The following BARD1 variants were observed in gnomAD, a reference collection of about 807,000 sequenced individuals.
BARD1 encodes the protein BRCA1 associated RING domain 1.
Under a neutral mutation model 77.0 loss-of-function variants are expected in BARD1, and 73 were observed. That is an observed-to-expected ratio of 0.95 (90% CI 0.79 to 1.15). The LOEUF (loss-of-function observed/expected upper bound fraction) is 1.15, where lower values mean the gene tolerates loss of function less well. Ranked by LOEUF, BARD1 falls within the 50% of genes most tolerant of loss-of-function variation. BARD1 has a pLI of 0.00. For synonymous variants in BARD1, 384 were observed against 338.0 expected (o/e 1.14, Z -1.49); for missense variants, 993 against 938.8 (o/e 1.06, Z -0.75).
chr2:214,776,059 C>G (rs1048109932), intron 4 of BARD1, among the ~76,000 whole-genome samples: 1 of 152,178 alleles, frequency 6.6e-6, no homozygotes, highest in African/African-American at 2.4e-5. Flanking sequence ...TCTAAGCATA[C>G]CATGCCTTGT....
At chr2:214,806,429 A>G (rs1696273910) in intron 1 of BARD1, among the ~76,000 whole-genome samples, 1 of 152,204 alleles carries the variant, frequency 6.6e-6, no homozygotes, top group Non-Finnish European at 1.5e-5. Context: ...CTTGCCGGCA[A>G]TGTCAGGAGG....
chr2:214,743,923 T>C (rs903559264), intron 9 of BARD1, among the ~76,000 whole-genome samples: 1 of 152,200 alleles, frequency 6.6e-6, no homozygotes, highest in African/African-American at 2.4e-5. Flanking sequence ...TTGTGTTACA[T>C]GGCCACCACT....
chr2:214,752,583 A>C, intron 6 of BARD1, 28 bp from the exon 7 acceptor site: 1 of 1,550,688 alleles, frequency 6.4e-7, no homozygotes, highest in Non-Finnish European at 8.9e-7. Context: ...GATGTGTTTA[A>C]GTAAGTCAAA....
chr2:214,798,885 G>A (rs567330948), intron 1 of BARD1, among the ~76,000 whole-genome samples: 27 of 152,002 alleles, frequency 1.8e-4, no homozygotes, highest in Non-Finnish European at 3.4e-4. Flanking sequence ...TTGGGAGGCC[G>A]AGGTGAGAGG....
At chr2:214,806,699 C>A (rs562861859) in intron 1 of BARD1, among the ~76,000 whole-genome samples, 1 of 151,920 alleles carries the variant, frequency 6.6e-6, no homozygotes. Flanking sequence ...CATGATGAAA[C>A]CCCGTCTCTA....
At chr2:214,751,077 TTCTGTGTGTG>T (rs1239687264) in intron 7 of BARD1, among the ~76,000 whole-genome samples, 1 of 24,950 alleles carries the variant, frequency 4.0e-5, no homozygotes, top group African/African-American at 1.3e-4. Context: ...CTCTGTGAAA[TTCTGTGTGTG>T]TGTGTGTGTG....
intron 4 of BARD1, among the ~76,000 whole-genome samples, chr2:214,775,907 C>G (rs947489970): frequency 1.3e-5 from 2 of 152,148 alleles, no homozygotes; most frequent in Non-Finnish European, 2.9e-5. Context: ...TCTCATGAAG[C>G]TACTATGAAG....
At chr2:214,740,529 G>A (rs1450386161) in intron 9 of BARD1, among the ~76,000 whole-genome samples, 1 of 151,854 alleles carries the variant, frequency 6.6e-6, no homozygotes, top group Non-Finnish European at 1.5e-5. Flanking sequence ...TTACCCACAT[G>A]CATGCATACA....
At chr2:214,788,538 T>C (rs547397838) in intron 3 of BARD1, among the ~76,000 whole-genome samples, 22 of 152,214 alleles carry the variant, frequency 1.4e-4, no homozygotes, top group South Asian at 2.1e-4. Flanking sequence ...TTAATTACAG[T>C]AATTATATAT....
Position 214,756,007 on chromosome 2 carries a change from C to T in BARD1, c.1569-3452G>A, listed in dbSNP as rs963959702. Among the ~76,000 whole-genome samples, 10 of 152,292 alleles carry T rather than the reference C, an allele frequency of 6.6e-5. No homozygotes were observed. The South Asian group carries it at 1.5e-3, about 22-fold the overall frequency. Reference sequence around the variant, plus strand: ...GTCAGTTCTTTTAATGCCTTATCAACGGACAGTCGCGAATTCAGTGAATTG... The same window carrying T: ...GTCAGTTCTTTTAATGCCTTATCAATGGACAGTCGCGAATTCAGTGAATTG... On this transcript the variant is annotated intron_variant, in intron 6 of 10. Coordinates refer to ENST00000260947, the MANE Select transcript of BARD1 (RefSeq NM_000465.4).
chr2:214,795,361 T>C (rs1328534552), intron 2 of BARD1, among the ~76,000 whole-genome samples: 1 of 152,064 alleles, frequency 6.6e-6, no homozygotes, highest in African/African-American at 2.4e-5. Context: ...GCTGGAACAG[T>C]GTGAGCCAGA....
chr2:214,798,223 G>C (rs1157667417), intron 1 of BARD1, among the ~76,000 whole-genome samples: 1 of 148,860 alleles, frequency 6.7e-6, no homozygotes, highest in Non-Finnish European at 1.5e-5. Flanking sequence ...GCGAAAAACA[G>C]TACACACCCA....
rs869312504 is a variant in BARD1, at chr2:214,749,556, A to G, written c.1677+2891T>C. ...CCCAGACTCCAAGAATACCATAAAG[A>G]TATCTTTATTCTTGACACATTTAAA... is the stretch of plus-strand genomic sequence containing the variant. On this transcript the variant is annotated intron_variant, in intron 7 of 10. Transcript: ENST00000260947. Among the ~76,000 whole-genome samples the G allele has an allele frequency of 2.0e-5, 3 of 152,152 alleles. No homozygotes were observed. Among genetic ancestry groups the G allele is most frequent in the Admixed American group, 6.6e-5 (1 of 15,264 alleles).
chr2:214,752,201 A>C (rs1693486009), intron 7 of BARD1, among the ~76,000 whole-genome samples: 1 of 152,192 alleles, frequency 6.6e-6, no homozygotes, highest in Admixed American at 6.5e-5. Flanking sequence ...TGAGAATAAG[A>C]GTTCTACCAG....
rs1574703001 is a variant in BARD1, at chr2:214,728,853, T to C, written c.2157A>G (p.Thr719=). 6.2e-7 allele frequency: 1 copy of C among 1,614,212 alleles called. No homozygotes were observed. Residue 719 remains threonine, a synonymous_variant, in exon 11 of 11, where the codon ACA becomes ACG. Coordinates refer to ENST00000260947, the MANE Select transcript of BARD1 (RefSeq NM_000465.4). ...AATCGGGTCTCGCATGGTATGCGAC[T>C]GTATTGATGGTCTGAGTCACGTCAC... is the stretch of plus-strand genomic sequence containing the variant. ...PDSDVTQTIN[T]VAYHARPDSD...
Position 214,732,991 on chromosome 2 carries a change from T to A in BARD1, c.1904-2483A>T, listed in dbSNP as rs11690174. On this transcript the variant is annotated intron_variant, in intron 9 of 10. Coordinates refer to ENST00000260947, the MANE Select transcript of BARD1 (RefSeq NM_000465.4). Reference sequence around the variant, plus strand: ...TAAAATGTTTTATTTATTCTAATCTTGTAACTTGAATTTTGAAAATACCTA... The same window carrying A: ...TAAAATGTTTTATTTATTCTAATCTAGTAACTTGAATTTTGAAAATACCTA... Among the ~76,000 whole-genome samples the A allele has an allele frequency of 5.3e-5, 8 of 152,082 alleles. No individual in the cohort carries two copies. In the South Asian group the frequency reaches 1.7e-3, roughly 31 times the overall value.
intron 4 of BARD1, among the ~76,000 whole-genome samples, chr2:214,775,297 G>C (rs78874849): frequency 1.3e-5 from 2 of 152,148 alleles, no homozygotes; most frequent in African/African-American, 2.4e-5. Context: ...TGAAAACTCA[G>C]AGGACATTGT....
At position 214,745,179 on chromosome 2, in the gene BARD1, G is replaced by GT. The variant is rs1559386355; in HGVS notation, c.1811-21dup. 1.9e-6 allele frequency: 3 copies of GT among 1,597,680 alleles called. No homozygotes were observed. Among genetic ancestry groups the GT allele is most frequent in the Non-Finnish European group, 2.6e-6 (3 of 1,165,270 alleles). On this transcript the variant is annotated intron_variant, in intron 8 of 10. Coordinates refer to ENST00000260947, the MANE Select transcript of BARD1 (RefSeq NM_000465.4). Reference sequence around the variant, plus strand: ...GAGTTACTAAAATACAAAAAAAGCAGTAAGAGAAAGAAAGATACAAGCCAA... The same window carrying GT: ...GAGTTACTAAAATACAAAAAAAGCAGTTAAGAGAAAGAAAGATACAAGCCAA...
chr2:214,806,814 C>T (rs1392121773), intron 1 of BARD1, among the ~76,000 whole-genome samples: 3 of 137,508 alleles, frequency 2.2e-5, no homozygotes, highest in Non-Finnish European at 4.5e-5. Context: ...AAGGAGGTTG[C>T]AGTGAGCTGA....
Sources: allele counts gnomAD v4.1 joint callset (sites outside exome capture counted in the v4.1 genomes callset), GRCh38; gene constraint gnomAD v4.1.1; transcripts MANE v1.5; gene names NCBI Gene and HGNC (gene_info 2026-07-23, HGNC 2026-07-21).